SCAMP5: variants seen among roughly 807,000 people sequenced by gnomAD.
The protein encoded by SCAMP5 is secretory carrier membrane protein 5.
In SCAMP5, 7 loss-of-function variants were observed where a neutral mutation model predicts 28.3. That is an observed-to-expected ratio of 0.25 (90% CI 0.14 to 0.46). The LOEUF (loss-of-function observed/expected upper bound fraction) is 0.46, where lower values mean the gene tolerates loss of function less well. SCAMP5 is among the 20% of genes least tolerant of loss of function. SCAMP5 has a pLI of 0.99. For missense variants in SCAMP5, 192 were observed against 312.5 expected (o/e 0.61, Z 2.91); for synonymous variants, 117 against 116.4 (o/e 1.00, Z -0.03).
At chr15:75,009,126 TA>T (rs2065787804) in intron 1 of SCAMP5, among the ~76,000 whole-genome samples, 1 of 152,204 alleles carries the variant, frequency 6.6e-6, no homozygotes, top group Admixed American at 6.5e-5. Flanking sequence ...TTCCTCTTTT[TA>T]AAATTTTTAA....
At chr15:75,000,013 G>A (rs1157761777) in intron 1 of SCAMP5, among the ~76,000 whole-genome samples, 3 of 152,128 alleles carry the variant, frequency 2.0e-5, no homozygotes, top group Non-Finnish European at 2.9e-5. Context: ...TCTCATTTTT[G>A]TCATATATGA....
At chr15:75,000,090 G>A (rs968132523) in intron 1 of SCAMP5, among the ~76,000 whole-genome samples, 1 of 152,144 alleles carries the variant, frequency 6.6e-6, no homozygotes, top group Non-Finnish European at 1.5e-5. Context: ...TGTTAAAGGG[G>A]TGGCATCTGA....
At chr15:75,000,883 A>G (rs1239649834) in intron 1 of SCAMP5, among the ~76,000 whole-genome samples, 1 of 151,780 alleles carries the variant, frequency 6.6e-6, no homozygotes, top group Non-Finnish European at 1.5e-5. Flanking sequence ...TCGTTCCTTA[A>G]GTATGCCGTG....
chr15:75,019,160 C>A lies in SCAMP5; in HGVS notation c.*177C>A. ...GTATATGTCTGTACCCCAGCCCCCA[C>A]CTTTCAGATTCTGCTCTTGGCACTC... On this transcript the variant is annotated 3_prime_UTR_variant, in exon 7 of 7. Coordinates refer to ENST00000425597, the MANE Select transcript of SCAMP5 (RefSeq NM_138967.4). 1 of 412,572 alleles carries A rather than the reference C, an allele frequency of 2.4e-6. No individual in the cohort carries two copies. The highest frequency in any genetic ancestry group is 4.2e-6 in the Non-Finnish European group (1 of 238,274). 25.6% of individuals were successfully genotyped at this position (412,572 alleles called of 1,614,324 possible).
chr15:75,005,455 C>T (rs955378593), intron 1 of SCAMP5, among the ~76,000 whole-genome samples: 12 of 148,474 alleles, frequency 8.1e-5, no homozygotes, highest in Admixed American at 2.0e-4. Flanking sequence ...AGCGAAACTC[C>T]GTTTCAAAAA....
intron 4 of SCAMP5, 66 bp downstream of exon 4, chr15:75,016,815 A>T: frequency 3.9e-6 from 5 of 1,284,178 alleles, no homozygotes; most frequent in Non-Finnish European, 4.2e-6. Flanking sequence ...TCTTCTCCAT[A>T]TCTTTTCTCA....
chr15:75,011,690 G>C lies in SCAMP5; in HGVS notation c.-48-102G>C. The C allele has an allele frequency of 5.6e-6, 3 of 538,882 alleles. No individual in the cohort carries two copies. The South Asian group carries it at 8.8e-5, about 16-fold the overall frequency. The allele number at this position is 538,882 out of a possible 1,614,324, so 33.4% of individuals were successfully genotyped here. ...TCACGGCACTGTGGGAGTATGTGCTGGGTCCTGTCCTGGGGAGCTTGCAGC... is the reference window on the plus strand; with the variant it reads ...TCACGGCACTGTGGGAGTATGTGCTCGGTCCTGTCCTGGGGAGCTTGCAGC... On this transcript the variant is annotated intron_variant, in intron 1 of 6. Coordinates refer to ENST00000425597, the MANE Select transcript of SCAMP5 (RefSeq NM_138967.4).
intron 1 of SCAMP5, among the ~76,000 whole-genome samples, chr15:75,002,179 A>G (rs1248600391): frequency 6.6e-6 from 1 of 151,908 alleles, no homozygotes; most frequent in Non-Finnish European, 1.5e-5. Context: ...CAGACATCCA[A>G]GATGCTCTCA....
intron 3 of SCAMP5, 162 bp downstream of exon 3, chr15:75,012,967 C>A (rs1352259667): frequency 5.9e-6 from 4 of 676,464 alleles, no homozygotes; most frequent in Non-Finnish European, 9.9e-6. Flanking sequence ...CTCCCAGAGG[C>A]TTCTTCCATG....
In SCAMP5 at chr15:75,018,653, G is replaced by A; in HGVS notation, c.513+118G>A. 9.8e-7 allele frequency: 1 copy of A among 1,018,592 alleles called. No homozygotes were observed. Among genetic ancestry groups the A allele is most frequent in the South Asian group, 1.3e-5 (1 of 78,636 alleles). 63.1% of individuals were successfully genotyped at this position (1,018,592 alleles called of 1,614,324 possible). On this transcript the variant is annotated intron_variant, in intron 6 of 6. Transcript: ENST00000425597. The surrounding 1 kb of genome is among the most constrained non-coding windows in gnomAD (Gnocchi z 5.6). ...TCTTCCAAGGGACTCACTCTGGAAT[G>A]GCCTGCAGGACTCTCCTACAGAGGC...
rs995591734 is a variant in SCAMP5, at chr15:75,020,386, C to G, written c.*1403C>G. The G allele has an allele frequency of 1.3e-5, 2 of 152,602 alleles. No homozygotes were observed. The highest frequency in any genetic ancestry group is 4.8e-5 in the African/African-American group (2 of 41,406). The allele number at this position is 152,602 out of a possible 1,614,324, so 9.5% of individuals were successfully genotyped here. Reference sequence around the variant, plus strand: ...TGAACTCAGGGCCCAAGCAGAAGCACAGGCCCAGTCCTGGCTGCAAGCACA... The same window carrying G: ...TGAACTCAGGGCCCAAGCAGAAGCAGAGGCCCAGTCCTGGCTGCAAGCACA... On this transcript the variant is annotated 3_prime_UTR_variant, in exon 7 of 7. Transcript: ENST00000425597.
chr15:75,002,823 A>T (rs930965651), intron 1 of SCAMP5, among the ~76,000 whole-genome samples: 2 of 151,786 alleles, frequency 1.3e-5, no homozygotes, highest in African/African-American at 2.4e-5. Context: ...GTTCACAAAG[A>T]TGTTCCAAAT....
At chr15:75,011,402 TC>T (rs761787637) in intron 1 of SCAMP5, among the ~76,000 whole-genome samples, 8 of 151,980 alleles carry the variant, frequency 5.3e-5, no homozygotes, top group Non-Finnish European at 1.0e-4. Context: ...CATATAAGTG[TC>T]CTAATAAATG....
Position 75,018,550 on chromosome 15 carries a change from C to T in SCAMP5, c.513+15C>T, listed in dbSNP as rs1298694252. On this transcript the variant is annotated intron_variant, in intron 6 of 6. Transcript: ENST00000425597. The surrounding 1 kb of genome is among the most constrained non-coding windows in gnomAD (Gnocchi z 5.6). ...CCCTCAGCATGGTACGTGGTCCCCT[C>T]AAGGGTGAGAAGGTGGCTTTGGGAA... is the stretch of plus-strand genomic sequence containing the variant. 1.3e-6 allele frequency: 2 copies of T among 1,547,706 alleles called. No homozygotes were observed. The highest frequency in any genetic ancestry group is 1.8e-6 in the Non-Finnish European group (2 of 1,119,452).
intron 1 of SCAMP5, among the ~76,000 whole-genome samples, chr15:75,006,164 A>G (rs2065757041): frequency 7.4e-6 from 1 of 136,038 alleles, no homozygotes; most frequent in African/African-American, 2.8e-5. Flanking sequence ...CACCCAGTTA[A>G]TTTTTTGTAT....
At chr15:75,016,500 C>T in intron 3 of SCAMP5, 93 bp from the exon 4 acceptor site, 1 of 1,190,934 alleles carries the variant, frequency 8.4e-7, no homozygotes, top group Non-Finnish European at 1.2e-6. Context: ...TGTTGCGTTA[C>T]TGGTGTGTGT....
At chr15:75,001,714 C>A (rs1418263843) in intron 1 of SCAMP5, among the ~76,000 whole-genome samples, 1 of 151,536 alleles carries the variant, frequency 6.6e-6, no homozygotes, top group East Asian at 1.9e-4. Context: ...ATTAAAGATA[C>A]AAAAAATTTG....
At chr15:75,003,625 T>G (rs1055017093) in intron 1 of SCAMP5, among the ~76,000 whole-genome samples, 1 of 152,158 alleles carries the variant, frequency 6.6e-6, no homozygotes, top group Admixed American at 6.5e-5. Flanking sequence ...GCTTGGGCAA[T>G]GTAGCGAGAC....
Position 75,006,723 on chromosome 15 carries a change from C to A in SCAMP5, c.-48-5069C>A, listed in dbSNP as rs752614048. Among the ~76,000 whole-genome samples, 3 of 149,882 alleles carry A rather than the reference C, an allele frequency of 2.0e-5. No homozygotes were observed. In the Admixed American group the frequency reaches 2.0e-4, roughly 10 times the overall value. ...GAGAGAGGCAGAGCTTGCAGTGAGC[C>A]GAGATCACGCCGCTGCACTCTGGCC... On this transcript the variant is annotated intron_variant, in intron 1 of 6. Transcript: ENST00000425597.
Sources: gnomAD v4.1 joint callset for allele counts (sites outside exome capture counted in the v4.1 genomes callset) on GRCh38, gnomAD v4.1.1 for gene constraint, Gnocchi (gnomAD v3.1) non-coding constraint, MANE v1.5 for transcripts, NCBI Gene and HGNC (gene_info 2026-07-23, HGNC 2026-07-21) for gene names.